TCF12: variants seen among roughly 807,000 people sequenced by gnomAD.
TCF12 encodes DNA-binding protein HTF4.
In TCF12, 45 loss-of-function variants were observed where a neutral mutation model predicts 86.0. The ratio of observed to expected loss-of-function variants is 0.52; its 90% CI spans 0.41 to 0.67. TCF12 has a LOEUF of 0.67. Among genes scored for constraint, TCF12 ranks in the 30% least tolerant of loss-of-function variants. TCF12 has a pLI of 0.00. For missense variants in TCF12, 881 were observed against 859.9 expected (o/e 1.02, Z -0.31); for synonymous variants, 330 against 299.6 (o/e 1.10, Z -1.05).
intron 5 of TCF12, among the ~76,000 whole-genome samples, chr15:57,158,579 G>A (rs2054284434): frequency 6.6e-6 from 1 of 152,178 alleles, no homozygotes; most frequent in African/African-American, 2.4e-5. Context: ...ACTTCTGCCA[G>A]AATTATTGAT....
intron 13 of TCF12, among the ~76,000 whole-genome samples, chr15:57,250,265 C>A (rs1353559997): frequency 1.3e-5 from 2 of 152,084 alleles, no homozygotes; most frequent in African/African-American, 4.8e-5. Context: ...GGCAATTTGT[C>A]CTTACGTTAA....
chr15:57,017,519 T>A (rs533800578), intron 3 of TCF12, among the ~76,000 whole-genome samples: 54 of 152,340 alleles, frequency 3.5e-4, no homozygotes, highest in African/African-American at 1.2e-3. Flanking sequence ...AACTGTTCCT[T>A]TAAGAAAAAG....
At chr15:57,111,882 C>T (rs534650752) in intron 5 of TCF12, among the ~76,000 whole-genome samples, 200 of 152,198 alleles carry the variant, frequency 1.3e-3, no homozygotes, top group Non-Finnish European at 2.1e-3. Flanking sequence ...CATTAGCCAC[C>T]GCACCTGGCT....
chr15:56,998,001 T>A (rs1176422594), intron 3 of TCF12, among the ~76,000 whole-genome samples: 1 of 152,154 alleles, frequency 6.6e-6, no homozygotes, highest in Non-Finnish European at 1.5e-5. Flanking sequence ...GATTTGCCAA[T>A]CCTAAATGTG....
At chr15:57,058,226 T>C (rs1228419476) in intron 3 of TCF12, among the ~76,000 whole-genome samples, 1 of 152,212 alleles carries the variant, frequency 6.6e-6, no homozygotes, top group African/African-American at 2.4e-5. Context: ...CTTAAAGAGA[T>C]AGACTTGGCA....
chr15:57,201,696 T>A (rs2151763706), intron 8 of TCF12, among the ~76,000 whole-genome samples: 1 of 152,324 alleles, frequency 6.6e-6, no homozygotes, highest in Middle Eastern at 3.4e-3. Flanking sequence ...TGGAAGGCAT[T>A]TATAGTTGTT....
At chr15:57,144,297 G>C (rs1343366890) in intron 5 of TCF12, among the ~76,000 whole-genome samples, 1 of 152,068 alleles carries the variant, frequency 6.6e-6, no homozygotes, top group Admixed American at 6.6e-5. Flanking sequence ...ATTATCTTTT[G>C]GAATTTGTTC....
At chr15:57,134,570 T>C (rs971425263) in intron 5 of TCF12, 23 of 152,206 alleles carry the variant, frequency 1.5e-4, no homozygotes, top group Non-Finnish European at 3.1e-4. Flanking sequence ...GATTCTTTAT[T>C]TAAATTGCCT....
chr15:56,995,145 G>A (rs1200742039), intron 3 of TCF12, among the ~76,000 whole-genome samples: 2 of 145,478 alleles, frequency 1.4e-5, no homozygotes, highest in African/African-American at 5.0e-5. Flanking sequence ...AATTACAATG[G>A]ATAAATTAAA....
At chr15:57,218,933 A>G in intron 8 of TCF12, 1 of 650,722 alleles carries the variant, frequency 1.5e-6, no homozygotes, top group Non-Finnish European at 1.9e-6. Context: ...TTTCTCCAGG[A>G]AGTGATTTTG....
chr15:57,252,293 G>T, intron 14 of TCF12, 128 bp from the exon 15 acceptor site: 3 of 639,780 alleles, frequency 4.7e-6, no homozygotes, highest in Non-Finnish European at 8.2e-6. Flanking sequence ...TAATAAAATA[G>T]ATCTCGCAAG....
chr15:57,217,390 G>A (rs1312919091), intron 8 of TCF12, among the ~76,000 whole-genome samples: 2 of 152,058 alleles, frequency 1.3e-5, no homozygotes, highest in Admixed American at 1.3e-4. Context: ...CTAAAATAAA[G>A]AACTGGTGTT....
Position 57,223,643 on chromosome 15 carries a change from G to GTTTTTTTTTTTTTTTTTT in TCF12, c.580-7498_580-7481dup, listed in dbSNP as rs550493641. ...GTTTTGGCACCTGCCTACCAATGAG[G>GTTTTTTTTTTTTTTTTTT]TTTTTTTTTTTTTTTTTTTTTTTTT... On this transcript the variant is annotated intron_variant, in intron 8 of 20. Transcript: ENST00000333725. 1.9e-3 allele frequency among the ~76,000 whole-genome samples: 132 copies of GTTTTTTTTTTTTTTTTTT among 69,680 alleles called. 34 individuals are homozygous for GTTTTTTTTTTTTTTTTTT. The highest frequency in any genetic ancestry group is 0.011 in the Middle Eastern group (1 of 90). The allele number at this position is 69,680 out of a possible 152,430, so 45.7% of individuals were successfully genotyped here. A position where few individuals can be genotyped will look rare whatever the true frequency, so the allele number is the denominator to read the frequency against.
intron 3 of TCF12, among the ~76,000 whole-genome samples, chr15:57,013,048 A>ATG (rs1236330969): frequency 5.4e-5 from 8 of 148,074 alleles, no homozygotes; most frequent in African/African-American, 2.0e-4. Flanking sequence ...TTTTTTTTTT[A>ATG]TGTGTGTGAA....
Position 57,236,114 on chromosome 15 carries a change from A to G in TCF12, c.1035+2007A>G, listed in dbSNP as rs150544918. ...GAGCAGCCAGGTCATTCCATAAATC[A>G]TTTCTGTCATAGCTGACGGTGATGC... On this transcript the variant is annotated intron_variant, in intron 12 of 20. Coordinates refer to ENST00000333725, the MANE Select transcript of TCF12 (RefSeq NM_207037.2). Among the ~76,000 whole-genome samples the G allele has an allele frequency of 3.3e-5, 5 of 152,188 alleles. No individual in the cohort carries two copies. In the East Asian group the frequency reaches 7.7e-4, roughly 23 times the overall value.
intron 5 of TCF12, among the ~76,000 whole-genome samples, chr15:57,123,968 C>CAAAAAAAAAAAAAAAAAAAAAAAA (rs71113066): frequency 6.2e-5 from 5 of 81,066 alleles, no homozygotes; most frequent in African/African-American, 2.1e-4. Context: ...GACTCCGTCT[C>CAAAAAAAAAAAAAAAAAAAAAAAA]AAAAAAAAAA....
intron 3 of TCF12, among the ~76,000 whole-genome samples, chr15:56,973,014 G>T (rs2062415897): frequency 6.6e-6 from 1 of 152,126 alleles, no homozygotes; most frequent in Non-Finnish European, 1.5e-5. Flanking sequence ...GGTATACCAG[G>T]ATTGAGCAAA....
chr15:57,240,363 G>T (rs1566968862), intron 12 of TCF12, among the ~76,000 whole-genome samples: 1 of 152,180 alleles, frequency 6.6e-6, no homozygotes, highest in Non-Finnish European at 1.5e-5. Flanking sequence ...TACGAAAGAA[G>T]GAGTATGTAA....
rs547529245 is a variant in TCF12, at chr15:57,030,457, C to T, written c.149-33293C>T. Among the ~76,000 whole-genome samples, 13 of 152,258 alleles carry T rather than the reference C, an allele frequency of 8.5e-5. 1 individual carries two copies. In the South Asian group the frequency reaches 2.7e-3, roughly 32 times the overall value. On this transcript the variant is annotated intron_variant, in intron 3 of 20. Coordinates refer to ENST00000333725, the MANE Select transcript of TCF12 (RefSeq NM_207037.2). Reference sequence around the variant, plus strand: ...TAGAAAATGGGATCTTGCTGTGTTGCCCAGGCTGTTCTCAAATTCCTGCCT... The same window carrying T: ...TAGAAAATGGGATCTTGCTGTGTTGTCCAGGCTGTTCTCAAATTCCTGCCT...
Sources: gnomAD v4.1 joint callset for allele counts (sites outside exome capture counted in the v4.1 genomes callset) on GRCh38, gnomAD v4.1.1 for gene constraint, MANE v1.5 for transcripts, NCBI Gene and HGNC (gene_info 2026-07-23, HGNC 2026-07-21) for gene names.